The following ZNF385B variants were observed in gnomAD, a reference collection of about 807,000 sequenced individuals.
ZNF385B encodes zinc finger protein 385B, also known as zinc finger protein 533.
In ZNF385B, 23 loss-of-function variants were observed where a neutral mutation model predicts 39.2. The ratio of observed to expected loss-of-function variants is 0.59; its 90% CI spans 0.42 to 0.83. The LOEUF (loss-of-function observed/expected upper bound fraction) is 0.83, where lower values mean the gene tolerates loss of function less well. Among genes scored for constraint, ZNF385B ranks in the 40% least tolerant of loss-of-function variants. The pLI, the probability that ZNF385B is intolerant of heterozygous loss-of-function variation, is 0.00. For synonymous variants in ZNF385B, 205 were observed against 222.6 expected, an observed-to-expected ratio of 0.92 and a Z score of 0.70; for missense variants, 552 against 598.9, an observed-to-expected ratio of 0.92 and a Z score of 0.82.
At chr2:179,711,715 G>A (rs1469579039) in intron 3 of ZNF385B, among the ~76,000 whole-genome samples, 2 of 152,158 alleles carry the variant, frequency 1.3e-5, no homozygotes, top group East Asian at 1.9e-4. Context: ...CCAGGTAGAG[G>A]TTGCTAGGGG....
intron 3 of ZNF385B, among the ~76,000 whole-genome samples, chr2:179,598,649 C>A (rs1223654133): frequency 6.6e-6 from 1 of 151,880 alleles, no homozygotes; most frequent in African/African-American, 2.4e-5. Flanking sequence ...CACGATACAC[C>A]AAAAGCATGA....
chr2:179,791,643 T>C (rs1209725919), intron 1 of ZNF385B, among the ~76,000 whole-genome samples: 1 of 152,224 alleles, frequency 6.6e-6, no homozygotes, highest in Non-Finnish European at 1.5e-5. Flanking sequence ...TGCAGTATTT[T>C]TAGACAGTAA....
chr2:179,572,004 G>A lies in ZNF385B; in HGVS notation c.299-27035C>T, dbSNP rs528923534. ...TTTCCAGATCCCTTCCTGTGAGGTG[G>A]AAAACGCCTGTGGGGGCCTGGGAGT... On this transcript the variant is annotated intron_variant, in intron 3 of 9. Transcript: ENST00000410066. Among the ~76,000 whole-genome samples, 730 of 152,000 alleles carry A rather than the reference G, an allele frequency of 4.8e-3. 4 individuals carry two copies. Among genetic ancestry groups the A allele is most frequent in the Non-Finnish European group, 7.8e-3 (533 of 67,974 alleles).
chr2:179,584,973 T>C (rs1686935944), intron 3 of ZNF385B, among the ~76,000 whole-genome samples: 1 of 151,976 alleles, frequency 6.6e-6, no homozygotes, highest in African/African-American at 2.4e-5. Context: ...TGAGGAGAGT[T>C]TCATAACATA....
chr2:179,484,026 A>G (rs2054295955), intron 5 of ZNF385B, among the ~76,000 whole-genome samples: 1 of 152,202 alleles, frequency 6.6e-6, no homozygotes, highest in South Asian at 2.1e-4. Context: ...GCCACAAAGG[A>G]GGTAGGAAAA....
intron 3 of ZNF385B, among the ~76,000 whole-genome samples, chr2:179,578,023 G>T (rs1308053743): frequency 6.6e-6 from 1 of 151,994 alleles, no homozygotes; most frequent in East Asian, 1.9e-4. Context: ...AGGCACCTTA[G>T]ACATTAATCA....
chr2:179,807,906 G>GAAAGAAAGAAAGAAAT (rs1706471589), intron 1 of ZNF385B, among the ~76,000 whole-genome samples: 1 of 146,598 alleles, frequency 6.8e-6, no homozygotes, highest in Non-Finnish European at 1.5e-5. Context: ...AAGAAAGAAA[G>GAAAGAAAGAAAGAAAT]AAAGAAAGAA....
intron 3 of ZNF385B, among the ~76,000 whole-genome samples, chr2:179,689,803 GTGTGTGTGTGTGTGTGTGTGTGTT>G (rs914597603): frequency 5.6e-5 from 7 of 124,112 alleles, no homozygotes; most frequent in East Asian, 2.1e-4. Context: ...GTGTGTGTGT[GTGTGTGTGTGTGTGTGTGTGTGTT>G]TATTTGTTTT....
intron 3 of ZNF385B, among the ~76,000 whole-genome samples, chr2:179,629,434 C>A (rs1215583762): frequency 6.6e-6 from 1 of 151,938 alleles, no homozygotes; most frequent in African/African-American, 2.4e-5. Context: ...GTCTAAAAAA[C>A]TACACTGTAT....
intron 3 of ZNF385B, among the ~76,000 whole-genome samples, chr2:179,692,700 T>G (rs1006811247): frequency 2.9e-4 from 44 of 152,194 alleles, no homozygotes; most frequent in Admixed American, 5.9e-4. Context: ...CTCATTTACC[T>G]CTCCAAATAT....
chr2:179,663,430 G>A (rs1233761697), intron 3 of ZNF385B, among the ~76,000 whole-genome samples: 1 of 152,252 alleles, frequency 6.6e-6, no homozygotes, highest in Non-Finnish European at 1.5e-5. Context: ...TCTCATGAAC[G>A]CTAGGCGCGG....
At chr2:179,454,459 T>A (rs1241271392) in intron 6 of ZNF385B, among the ~76,000 whole-genome samples, 1 of 152,198 alleles carries the variant, frequency 6.6e-6, no homozygotes, top group East Asian at 1.9e-4. Flanking sequence ...ATATATTTAC[T>A]ATACTATGCT....
intron 3 of ZNF385B, among the ~76,000 whole-genome samples, chr2:179,559,378 ACT>A (rs996360967): frequency 5.3e-5 from 8 of 151,508 alleles, no homozygotes; most frequent in Admixed American, 1.3e-4. Context: ...GCTTCTTGAA[ACT>A]CTGCCATTCT....
chr2:179,578,220 A>T (rs951716798), intron 3 of ZNF385B, among the ~76,000 whole-genome samples: 1 of 152,158 alleles, frequency 6.6e-6, no homozygotes, highest in Non-Finnish European at 1.5e-5. Flanking sequence ...TTAAGCATCT[A>T]CTATGAACCA....
chr2:179,467,572 G>A (rs1020173360), intron 6 of ZNF385B, among the ~76,000 whole-genome samples: 1 of 152,010 alleles, frequency 6.6e-6, no homozygotes, highest in African/African-American at 2.4e-5. Context: ...TTACACATTG[G>A]GTCAATCTAA....
chr2:179,792,262 A>G (rs1705375590), intron 1 of ZNF385B, among the ~76,000 whole-genome samples: 1 of 151,798 alleles, frequency 6.6e-6, no homozygotes, highest in Non-Finnish European at 1.5e-5. Flanking sequence ...CACAACTCTA[A>G]TTATTTTTAT....
intron 5 of ZNF385B, among the ~76,000 whole-genome samples, chr2:179,492,125 C>G (rs76793068): frequency 0.018 from 2,779 of 152,264 alleles, 84 homozygotes; most frequent in African/African-American, 0.063. Flanking sequence ...TAATTCACAT[C>G]TTATTTTAAA....
intron 3 of ZNF385B, among the ~76,000 whole-genome samples, chr2:179,638,535 A>G (rs1161831820): frequency 1.3e-5 from 2 of 152,162 alleles, no homozygotes; most frequent in Non-Finnish European, 2.9e-5. Flanking sequence ...TGGAAATGCA[A>G]ATATGAAATG....
intron 3 of ZNF385B, among the ~76,000 whole-genome samples, chr2:179,598,087 T>A (rs1003954217): frequency 4.6e-5 from 7 of 152,170 alleles, no homozygotes; most frequent in African/African-American, 9.7e-5. Context: ...TGCTTTTTTT[T>A]ATATTAGATT....
Sources: allele counts gnomAD v4.1 joint callset (sites outside exome capture counted in the v4.1 genomes callset), GRCh38; gene constraint gnomAD v4.1.1; transcripts MANE v1.5; gene names NCBI Gene and HGNC (gene_info 2026-07-23, HGNC 2026-07-21).